Variants in AUTS2 observed in about 807,000 individuals in gnomAD.
The protein encoded by AUTS2 is autism susceptibility gene 2 protein.
AUTS2 carries 17 observed loss-of-function variants against 112.4 expected under a neutral mutation model. That is an observed-to-expected ratio of 0.15 (90% CI 0.10 to 0.23). The LOEUF is 0.23. Ranked by LOEUF, AUTS2 falls within the 10% of genes least tolerant of loss-of-function variation. The pLI is 1.00. For synonymous variants in AUTS2, 751 were observed against 702.7 expected (o/e 1.07, Z -1.09); for missense variants, 1,510 against 1,701.6 (o/e 0.89, Z 1.98).
At chr7:70,443,145 A>G (rs1037079931) in intron 5 of AUTS2, among the ~76,000 whole-genome samples, 2 of 152,220 alleles carry the variant, frequency 1.3e-5, no homozygotes, top group African/African-American at 2.4e-5. Context: ...ACAGATTTTC[A>G]ATTAAATATA....
intron 4 of AUTS2, among the ~76,000 whole-genome samples, chr7:70,381,379 C>T (rs1793361264): frequency 6.6e-6 from 1 of 152,172 alleles, no homozygotes; most frequent in South Asian, 2.1e-4. Context: ...CACTTTACAG[C>T]TGTGTGTTTT....
intron 6 of AUTS2, among the ~76,000 whole-genome samples, chr7:70,706,787 A>G (rs1442098884): frequency 6.6e-6 from 1 of 152,188 alleles, no homozygotes; most frequent in Non-Finnish European, 1.5e-5. Context: ...GACTTCAGTG[A>G]TTTGCAAAGA....
At chr7:70,242,535 C>G (rs1423907189) in intron 4 of AUTS2, among the ~76,000 whole-genome samples, 1 of 152,142 alleles carries the variant, frequency 6.6e-6, no homozygotes, top group Admixed American at 6.5e-5. Flanking sequence ...TTGTGAAGTG[C>G]CTGACATGCA....
At chr7:69,814,165 T>G (rs141205664) in intron 1 of AUTS2, among the ~76,000 whole-genome samples, 14 of 152,354 alleles carry the variant, frequency 9.2e-5, no homozygotes, top group African/African-American at 3.4e-4. Flanking sequence ...TACTTTTTGT[T>G]GCTTTAACAT....
chr7:70,637,231 A>G (rs1273594072), intron 5 of AUTS2, among the ~76,000 whole-genome samples: 1 of 152,204 alleles, frequency 6.6e-6, no homozygotes, highest in East Asian at 1.9e-4. Context: ...CTTAACCATC[A>G]TCTGTGACAC....
At chr7:69,617,792 T>G (rs1288708767) in intron 1 of AUTS2, among the ~76,000 whole-genome samples, 1 of 152,180 alleles carries the variant, frequency 6.6e-6, no homozygotes, top group Non-Finnish European at 1.5e-5. Context: ...GAGACAAGAT[T>G]TGTGTCTCCT....
chr7:70,390,795 A>G (rs1458787307), intron 4 of AUTS2, among the ~76,000 whole-genome samples: 1 of 152,096 alleles, frequency 6.6e-6, no homozygotes, highest in Admixed American at 6.5e-5. Context: ...TTCATGTTCT[A>G]TATGATATAG....
chr7:69,871,414 A>C (rs1793490897), intron 1 of AUTS2, among the ~76,000 whole-genome samples: 1 of 152,192 alleles, frequency 6.6e-6, no homozygotes, highest in Non-Finnish European at 1.5e-5. Flanking sequence ...CAAGACCCCT[A>C]GTGGATGCCG....
chr7:70,521,418 A>C (rs1391081155), intron 5 of AUTS2, among the ~76,000 whole-genome samples: 1 of 152,232 alleles, frequency 6.6e-6, no homozygotes, highest in Non-Finnish European at 1.5e-5. Flanking sequence ...TGTGAGACCA[A>C]GCAAGGGCCC....
intron 4 of AUTS2, 68 bp from the exon 5 acceptor site, chr7:70,435,684 G>A (rs1317646024): frequency 1.3e-6 from 2 of 1,513,966 alleles, no homozygotes; most frequent in Non-Finnish European, 1.8e-6. Flanking sequence ...GGTTGGGGGA[G>A]GAGGCATCAA....
chr7:70,721,181 G>A (rs1461603924), intron 6 of AUTS2, among the ~76,000 whole-genome samples: 1 of 151,720 alleles, frequency 6.6e-6, no homozygotes, highest in Non-Finnish European at 1.5e-5. Context: ...GTGGGCCCAG[G>A]ACCTGCAAGG....
intron 5 of AUTS2, among the ~76,000 whole-genome samples, chr7:70,573,783 T>A (rs980916362): frequency 3.9e-5 from 6 of 152,200 alleles, no homozygotes; most frequent in African/African-American, 1.4e-4. Context: ...TTTTTTTTTT[T>A]TTTAACACCA....
chr7:69,997,857 C>T (rs928158147), intron 2 of AUTS2, among the ~76,000 whole-genome samples: 4 of 152,130 alleles, frequency 2.6e-5, no homozygotes, highest in Admixed American at 1.3e-4. Flanking sequence ...GTATTACCTG[C>T]AGGTTGACAT....
At chr7:70,092,112 C>T (rs1457452782) in intron 2 of AUTS2, among the ~76,000 whole-genome samples, 15 of 63,414 alleles carry the variant, frequency 2.4e-4, no homozygotes, top group Admixed American at 2.0e-3. Context: ...TTTTAATACT[C>T]CTAAGATTAT....
chr7:70,249,487 T>C (rs1786470139), intron 4 of AUTS2, among the ~76,000 whole-genome samples: 1 of 152,124 alleles, frequency 6.6e-6, no homozygotes, highest in African/African-American at 2.4e-5. Context: ...GGCGCGTTCT[T>C]AGAGGCTATG....
chr7:70,511,461 A>G (rs1392580693), intron 5 of AUTS2, among the ~76,000 whole-genome samples: 1 of 151,106 alleles, frequency 6.6e-6, no homozygotes, highest in Admixed American at 6.6e-5. Flanking sequence ...AGGTAATCAC[A>G]CATCCCAGTT....
chr7:69,915,770 A>C (rs985854143), intron 2 of AUTS2, among the ~76,000 whole-genome samples: 1 of 152,216 alleles, frequency 6.6e-6, no homozygotes, highest in Non-Finnish European at 1.5e-5. Context: ...TCTATCACCA[A>C]GGCTGGTGTG....
intron 1 of AUTS2, among the ~76,000 whole-genome samples, chr7:69,600,903 TGTCTTTCTTTATTCCTTG>T (rs1792367630): frequency 1.3e-5 from 2 of 151,962 alleles, no homozygotes; most frequent in Admixed American, 1.3e-4. Context: ...TCTATGTGTG[TGTCTTTCTTTATTCCTTG>T]GGCACCTGCA....
intron 5 of AUTS2, among the ~76,000 whole-genome samples, chr7:70,521,747 C>T (rs552535154): frequency 1.3e-5 from 2 of 152,226 alleles, no homozygotes; most frequent in East Asian, 3.9e-4. Context: ...TGGGGGAAGG[C>T]CTTAGACCAA....
Sources: gnomAD v4.1 joint callset for allele counts (sites outside exome capture counted in the v4.1 genomes callset) on GRCh38, gnomAD v4.1.1 for gene constraint, MANE v1.5 for transcripts, NCBI Gene and HGNC (gene_info 2026-07-23, HGNC 2026-07-21) for gene names.